Variants in RAPGEF2 observed in about 807,000 individuals in gnomAD.
RAPGEF2 encodes the protein Rap guanine nucleotide exchange factor 2.
Under a neutral mutation model 186.7 loss-of-function variants are expected in RAPGEF2, and 54 were observed. The ratio of observed to expected loss-of-function variants is 0.29; its 90% CI spans 0.23 to 0.36. RAPGEF2 has a LOEUF of 0.36. RAPGEF2 is among the 10% of genes least tolerant of loss of function. The pLI, the probability that RAPGEF2 is intolerant of heterozygous loss-of-function variation, is 1.00. For missense variants in RAPGEF2, 1,532 were observed against 2,045.0 expected, an observed-to-expected ratio of 0.75 and a Z score of 4.84; for synonymous variants, 712 against 705.9, an observed-to-expected ratio of 1.01 and a Z score of -0.14.
chr4:159,354,220 C>T (rs1041577227), intron 28 of RAPGEF2, among the ~76,000 whole-genome samples, 174 bp downstream of exon 28: 2 of 152,096 alleles, frequency 1.3e-5, no homozygotes, highest in Non-Finnish European at 2.9e-5. Flanking sequence ...GGTTAAGAGC[C>T]CAGGTTTTGT....
chr4:159,353,605 G>C lies in RAPGEF2; in HGVS notation c.4210G>C (p.Asp1404His). 1 of 1,597,934 alleles carries C rather than the reference G, an allele frequency of 6.3e-7. No individual in the cohort carries two copies. Among genetic ancestry groups the C allele is most frequent in the Non-Finnish European group, 8.5e-7 (1 of 1,173,654 alleles). The change falls in exon 28 of 30, where the codon GAC becomes CAC. Residue 1404 changes from aspartate (D) to histidine (H), a missense_variant. Transcript: ENST00000691494. This position sits in a 1 kb window ranked among gnomAD's most constrained non-coding sequence, Gnocchi z 4.3. ...QGDRASLDAA[D>H]SGRGSWTSCS... Reference sequence around the variant, plus strand: ...GGATCGCGCGTCACTTGATGCTGCTGACAGTGGCCGTGGGAGCTGGACGTC... The same window carrying C: ...GGATCGCGCGTCACTTGATGCTGCTCACAGTGGCCGTGGGAGCTGGACGTC...
chr4:159,323,375 A>G, intron 10 of RAPGEF2, 84 bp from the exon 11 acceptor site: 1 of 1,147,338 alleles, frequency 8.7e-7, no homozygotes, highest in Non-Finnish European at 1.2e-6. Context: ...AGATCTGCTA[A>G]TTCATTTTTA....
intron 7 of RAPGEF2, among the ~76,000 whole-genome samples, chr4:159,296,232 C>T (rs935371212): frequency 6.6e-6 from 1 of 152,148 alleles, no homozygotes; most frequent in Non-Finnish European, 1.5e-5. Context: ...CACATCACTA[C>T]CTTAAACAAA....
At chr4:159,254,004 T>G (rs1755821909) in intron 7 of RAPGEF2, among the ~76,000 whole-genome samples, 1 of 152,240 alleles carries the variant, frequency 6.6e-6, no homozygotes, top group South Asian at 2.1e-4. Flanking sequence ...ACTGGAATAA[T>G]TGCACGTCTT....
At chr4:159,147,482 A>G (rs187844472) in intron 1 of RAPGEF2, among the ~76,000 whole-genome samples, 5 of 152,314 alleles carry the variant, frequency 3.3e-5, no homozygotes, top group Admixed American at 2.6e-4. Flanking sequence ...AAGGTCATAC[A>G]ATATCAAGTG....
intron 1 of RAPGEF2, among the ~76,000 whole-genome samples, chr4:159,144,808 A>G (rs1742732641): frequency 6.7e-6 from 1 of 150,374 alleles, no homozygotes; most frequent in Non-Finnish European, 1.5e-5. Flanking sequence ...CCTTTTAAGT[A>G]CTTTTGATCA....
intron 7 of RAPGEF2, among the ~76,000 whole-genome samples, chr4:159,274,414 T>C (rs1394563615): frequency 6.6e-6 from 1 of 152,220 alleles, no homozygotes; most frequent in African/African-American, 2.4e-5. Context: ...ATAAGCTTTT[T>C]TGAAAAATAT....
At chr4:159,133,320 A>G (rs1741314350) in intron 1 of RAPGEF2, among the ~76,000 whole-genome samples, 1 of 152,170 alleles carries the variant, frequency 6.6e-6, no homozygotes, top group Admixed American at 6.6e-5. Flanking sequence ...TTACAGGACT[A>G]CTAGCATTGT....
At chr4:159,210,669 T>C in intron 4 of RAPGEF2, 86 bp downstream of exon 4, 1 of 1,005,378 alleles carries the variant, frequency 9.9e-7, no homozygotes, top group South Asian at 1.5e-5. Flanking sequence ...TTTCTCTTCC[T>C]GTGTTCTCTT....
At chr4:159,310,197 C>T (rs1763799269) in intron 8 of RAPGEF2, among the ~76,000 whole-genome samples, 1 of 152,072 alleles carries the variant, frequency 6.6e-6, no homozygotes, top group Non-Finnish European at 1.5e-5. Context: ...CATATAAGGA[C>T]TTAAATATGA....
intron 7 of RAPGEF2, among the ~76,000 whole-genome samples, chr4:159,281,104 G>A (rs1759637347): frequency 6.6e-6 from 1 of 151,312 alleles, no homozygotes. Flanking sequence ...CGATTCTCCT[G>A]CCTCAGTCTC....
intron 4 of RAPGEF2, among the ~76,000 whole-genome samples, chr4:159,223,041 T>A (rs959204544): frequency 6.6e-6 from 1 of 152,082 alleles, no homozygotes; most frequent in Non-Finnish European, 1.5e-5. Flanking sequence ...ACAGTACTCG[T>A]TGAAATAATA....
chr4:159,187,602 GT>G (rs1434881954), intron 2 of RAPGEF2, among the ~76,000 whole-genome samples: 12 of 152,052 alleles, frequency 7.9e-5, no homozygotes, highest in African/African-American at 2.7e-4. Flanking sequence ...TACTATATTT[GT>G]TTTTATGAGA....
chr4:159,234,928 T>G (rs892606178), intron 4 of RAPGEF2, among the ~76,000 whole-genome samples: 1 of 152,148 alleles, frequency 6.6e-6, no homozygotes, highest in Non-Finnish European at 1.5e-5. Flanking sequence ...CCTGGCTAAC[T>G]TTTGTATTTT....
chr4:159,353,578 G>A lies in RAPGEF2; in HGVS notation c.4183G>A (p.Gly1395Arg). Residue 1395 changes from glycine (G) to arginine (R), a missense_variant, in exon 28 of 30, where the codon GGG (glycine) becomes AGG (arginine). Coordinates refer to ENST00000691494, the MANE Select transcript of RAPGEF2 (RefSeq NM_001394067.2). This position sits in a 1 kb window ranked among gnomAD's most constrained non-coding sequence, Gnocchi z 4.3. The part of the protein sequence containing the change: ...PSTEELSQDQ[G>R]DRASLDAADS... ...CACAGAGGAACTTTCCCAGGATCAG[G>A]GGGATCGCGCGTCACTTGATGCTGC... is the stretch of plus-strand genomic sequence containing the variant. 2 of 1,585,900 alleles carry A rather than the reference G, an allele frequency of 1.3e-6. No individual in the cohort carries two copies. The highest frequency in any genetic ancestry group is 1.7e-6 in the Non-Finnish European group (2 of 1,169,086).
intron 2 of RAPGEF2, among the ~76,000 whole-genome samples, chr4:159,189,807 A>G (rs1012340557): frequency 2.6e-5 from 4 of 152,220 alleles, no homozygotes; most frequent in African/African-American, 9.6e-5. Context: ...TTCTGATAGC[A>G]CTGTTTAAAT....
At position 159,191,303 on chromosome 4, in the gene RAPGEF2, C is replaced by CT. The variant is rs201501343; in HGVS notation, c.141-1896dup. ...GTGAGGAAAAAGGAGTAATCAAATA[C>CT]TGCAGAGTAGTGGAATTGCTAAGGA... On this transcript the variant is annotated intron_variant, in intron 2 of 29. Transcript: ENST00000691494. 4.1e-3 allele frequency among the ~76,000 whole-genome samples: 618 copies of CT among 152,220 alleles called. 4 individuals are homozygous for CT. The highest frequency in any genetic ancestry group is 0.013 in the African/African-American group (558 of 41,530).
intron 1 of RAPGEF2, among the ~76,000 whole-genome samples, chr4:159,151,746 G>A (rs1743559206): frequency 6.6e-6 from 1 of 152,146 alleles, no homozygotes; most frequent in Non-Finnish European, 1.5e-5. Flanking sequence ...GTGGCTTTTT[G>A]TGTAAGTGTG....
chr4:159,116,581 A>G (rs1009644637), intron 1 of RAPGEF2, among the ~76,000 whole-genome samples: 1 of 152,262 alleles, frequency 6.6e-6, no homozygotes, highest in East Asian at 1.9e-4. Context: ...AGGAATATAA[A>G]TAATTCTGTT....
Sources: gnomAD v4.1 joint callset for allele counts (sites outside exome capture counted in the v4.1 genomes callset) on GRCh38, gnomAD v4.1.1 for gene constraint, Gnocchi (gnomAD v3.1) non-coding constraint, MANE v1.5 for transcripts, NCBI Gene and HGNC (gene_info 2026-07-23, HGNC 2026-07-21) for gene names.